Variants in CGREF1 observed in about 807,000 individuals in gnomAD.
CGREF1 encodes the protein cell growth regulator with EF-hand domain 1.
In CGREF1, 16 loss-of-function variants were observed where a neutral mutation model predicts 17.4. The ratio of observed to expected loss-of-function variants is 0.92; its 90% CI spans 0.62 to 1.40. The LOEUF (loss-of-function observed/expected upper bound fraction) is 1.40. Among genes scored for constraint, CGREF1 ranks in the 40% most tolerant of loss-of-function variants. The pLI is 0.00. For missense variants in CGREF1, 296 were observed against 376.4 expected, an observed-to-expected ratio of 0.79 and a Z score of 1.77; for synonymous variants, 142 against 154.6, an observed-to-expected ratio of 0.92 and a Z score of 0.61.
intron 1 of CGREF1, among the ~76,000 whole-genome samples, chr2:27,107,095 G>A (rs1671149316): frequency 6.6e-6 from 1 of 152,140 alleles, no homozygotes; most frequent in Non-Finnish European, 1.5e-5. Flanking sequence ...CATAGGTAAA[G>A]TTTCCAGGAA....
At chr2:27,116,910 TCTCTCTCTCTC>T (rs1558466940) in intron 1 of CGREF1, among the ~76,000 whole-genome samples, 42 of 117,158 alleles carry the variant, frequency 3.6e-4, no homozygotes, top group Admixed American at 2.2e-3. Flanking sequence ...TCTCTCTCTC[TCTCTCTCTCTC>T]TCTTTTTTTG....
intron 2 of CGREF1, among the ~76,000 whole-genome samples, chr2:27,104,028 C>T (rs184238737): frequency 3.5e-4 from 53 of 152,194 alleles, no homozygotes; most frequent in African/African-American, 1.2e-3. Flanking sequence ...ACTTCTCTGG[C>T]GCCACAGCTT....
At chr2:27,112,613 A>G (rs1313104613) in intron 1 of CGREF1, among the ~76,000 whole-genome samples, 1 of 152,212 alleles carries the variant, frequency 6.6e-6, no homozygotes, top group Admixed American at 6.5e-5. Flanking sequence ...AAGAATATAA[A>G]TGGAAAAGAA....
chr2:27,101,639 TG>T lies in CGREF1; in HGVS notation c.591del (p.Arg198GlufsTer124). On this transcript the variant is annotated frameshift_variant, in exon 6 of 6. Transcript: ENST00000402394. LOFTEE classifies it low-confidence loss of function (END_TRUNC). The part of the protein sequence containing the change: ...PREEAKGQVE[A>X]RRESLDPVQE... ...TGGACAGGATCCAAAGACTCCCTTC[TG>T]GCCTCTACCTGGCCCTTTGCTTCTT... 6.2e-7 allele frequency: 1 copy of T among 1,614,224 alleles called. No homozygotes were observed. Among genetic ancestry groups the T allele is most frequent in the Non-Finnish European group, 8.5e-7 (1 of 1,180,040 alleles).
At chr2:27,117,375 AAAAT>A (rs1319488541) in intron 1 of CGREF1, among the ~76,000 whole-genome samples, 8 of 152,274 alleles carry the variant, frequency 5.3e-5, no homozygotes, top group Non-Finnish European at 1.0e-4. Context: ...TGAGAGAAAT[AAAAT>A]AGTTATTGAA....
At chr2:27,111,207 T>C (rs2148395116) in intron 1 of CGREF1, among the ~76,000 whole-genome samples, 1 of 152,218 alleles carries the variant, frequency 6.6e-6, no homozygotes, top group South Asian at 2.1e-4. Flanking sequence ...TTTGACAGGG[T>C]GCTGATTGGT....
At chr2:27,100,334 AT>A (rs1369385451), downstream of CGREF1, 3 of 939,920 alleles carry the variant, frequency 3.2e-6, no homozygotes, top group Admixed American at 7.2e-5. Context: ...CCAGCCTGTG[AT>A]TTGATGGGGT....
chr2:27,102,570 A>C lies in CGREF1; in HGVS notation c.102T>G (p.His34Gln). ...GCTGGAAGGGGTTGGGCAGGAGCTG[A>C]TGCTGCACTTCAGAGTCTGGCCTGG... Reference protein sequence around the residue: ...GVTRPDSEVQHQLLPNPFQPG... With the variant: ...GVTRPDSEVQQQLLPNPFQPG... The change falls in exon 3 of 6, where the codon CAT becomes CAG. Residue 34 changes from histidine to glutamine, a missense_variant. Transcript: ENST00000402394. 1 of 1,613,274 alleles carries C rather than the reference A, an allele frequency of 6.2e-7. No individual in the cohort carries two copies. Among genetic ancestry groups the C allele is most frequent in the Non-Finnish European group, 8.5e-7 (1 of 1,179,860 alleles).
chr2:27,116,879 C>T (rs1221696785), intron 1 of CGREF1, among the ~76,000 whole-genome samples: 1 of 43,800 alleles, frequency 2.3e-5, no homozygotes, highest in Non-Finnish European at 4.7e-5. Flanking sequence ...TATTCTCTCT[C>T]TCTCTCTCTC....
chr2:27,099,393 A>T (rs771149929), downstream of CGREF1: 4 of 1,612,386 alleles, frequency 2.5e-6, no homozygotes, highest in Admixed American at 3.3e-5. Context: ...GTGGGCTAAC[A>T]CCCAGCTGAG....
intron 1 of CGREF1, among the ~76,000 whole-genome samples, chr2:27,106,730 C>T (rs888508816): frequency 6.6e-6 from 1 of 152,184 alleles, no homozygotes; most frequent in African/African-American, 2.4e-5. Flanking sequence ...GATTCTCCTG[C>T]CTCAGCCTCC....
intron 1 of CGREF1, among the ~76,000 whole-genome samples, chr2:27,107,231 T>C (rs1026320195): frequency 1.4e-4 from 21 of 147,666 alleles, no homozygotes; most frequent in African/African-American, 5.2e-4. Context: ...ACACAGAATA[T>C]ACAGCAGATA....
intron 1 of CGREF1, chr2:27,104,839 CTGTTTG>C: frequency 3.5e-6 from 5 of 1,424,990 alleles, no homozygotes; most frequent in Non-Finnish European, 3.7e-6. Flanking sequence ...GAGAAATGGA[CTGTTTG>C]TGTTTATTAA....
At chr2:27,100,510 T>G, downstream of CGREF1, 1 of 1,290,950 alleles carries the variant, frequency 7.7e-7, no homozygotes, top group South Asian at 1.2e-5. Context: ...CATATTGGAA[T>G]TGGGGCCAAC....
chr2:27,101,224 G>A lies in CGREF1; in HGVS notation c.*50C>T, dbSNP rs1670810418. ...CGTACATTTCCCCTGCCCACTTCAG[G>A]GCTTATGTTCTGGCACTGAGACTTC... is the stretch of plus-strand genomic sequence containing the variant. On this transcript the variant is annotated 3_prime_UTR_variant, in exon 6 of 6. Coordinates refer to ENST00000402394, the MANE Select transcript of CGREF1 (RefSeq NM_006569.6). 2 of 1,517,780 alleles carry A rather than the reference G, an allele frequency of 1.3e-6. No individual in the cohort carries two copies. Among genetic ancestry groups the A allele is most frequent in the African/African-American group, 1.4e-5 (1 of 71,750 alleles). 94.0% of individuals were successfully genotyped at this position (1,517,780 alleles called of 1,614,324 possible).
intron 2 of CGREF1, chr2:27,102,828 TA>T: frequency 1.4e-6 from 1 of 705,282 alleles, no homozygotes; most frequent in Non-Finnish European, 1.7e-6. Flanking sequence ...AAAACCCAAA[TA>T]AAACAACTGG....
downstream of CGREF1, chr2:27,099,871 A>G: frequency 6.5e-7 from 1 of 1,550,190 alleles, no homozygotes; most frequent in South Asian, 1.2e-5. Context: ...AGCTGTGGGG[A>G]GGACTCTGCC....
At position 27,104,316 on chromosome 2, in the gene CGREF1, A is replaced by G; in HGVS notation, c.51T>C (p.Gly17=). ...TVLILLLLPT[G]QAAPKDGVTR... ...TGACTCCATCCTTTGGGGCAGCCTG[A>G]CCCGTGGGGAGCAGCAGCAGGATTA... The change falls in exon 2 of 6, where the codon GGT becomes GGC. Residue 17 remains glycine, a synonymous_variant. Coordinates refer to ENST00000402394, the MANE Select transcript of CGREF1 (RefSeq NM_006569.6). 1 of 1,581,098 alleles carries G rather than the reference A, an allele frequency of 6.3e-7. No individual in the cohort carries two copies. The highest frequency in any genetic ancestry group is 8.6e-7 in the Non-Finnish European group (1 of 1,162,470).
chr2:27,117,701 C>G (rs1268396791), intron 1 of CGREF1, among the ~76,000 whole-genome samples: 2 of 138,060 alleles, frequency 1.4e-5, no homozygotes, highest in East Asian at 4.2e-4. Context: ...GCCCTGGGAT[C>G]TGAATTTTTT....
Sources: allele counts gnomAD v4.1 joint callset (sites outside exome capture counted in the v4.1 genomes callset), GRCh38; gene constraint gnomAD v4.1.1; transcripts MANE v1.5; gene names NCBI Gene and HGNC (gene_info 2026-07-23, HGNC 2026-07-21).